The following PPP6R1 variants were observed in gnomAD, a reference collection of about 807,000 sequenced individuals.
PPP6R1 encodes the protein serine/threonine-protein phosphatase 6 regulatory subunit 1.
PPP6R1 carries 39 observed loss-of-function variants against 104.6 expected under a neutral mutation model. The observed-to-expected ratio is 0.37, with a 90% CI of 0.29 to 0.49. PPP6R1 has a LOEUF of 0.49. Ranked by LOEUF, PPP6R1 falls within the 20% of genes least tolerant of loss-of-function variation. PPP6R1 has a pLI of 0.98. For missense variants in PPP6R1, 1,181 were observed against 1,155.8 expected (o/e 1.02, Z -0.32); for synonymous variants, 549 against 479.0 (o/e 1.15, Z -1.91).
At chr19:55,233,700 G>A (rs1328499326) in intron 17 of PPP6R1, among the ~76,000 whole-genome samples, 1 of 152,066 alleles carries the variant, frequency 6.6e-6, no homozygotes, top group Non-Finnish European at 1.5e-5. Context: ...GTAACAGAAA[G>A]AAGAAAACAG....
intron 1 of PPP6R1, among the ~76,000 whole-genome samples, chr19:55,256,194 A>C (rs374640630): frequency 4.5e-4 from 69 of 152,348 alleles, no homozygotes; most frequent in African/African-American, 1.6e-3. Flanking sequence ...CTCGCAATAC[A>C]CAACTCACCA....
intron 1 of PPP6R1, among the ~76,000 whole-genome samples, chr19:55,255,220 A>G (rs2087583655): frequency 6.6e-6 from 1 of 152,270 alleles, no homozygotes; most frequent in African/African-American, 2.4e-5. Context: ...AGAAGAGTCT[A>G]GAAACACTGG....
chr19:55,230,336 T>G lies in PPP6R1; in HGVS notation c.*192A>C. On this transcript the variant is annotated 3_prime_UTR_variant, in exon 24 of 24. Transcript: ENST00000412770. ...TTCTAGGAGGCAACGCTCCAAAACT[T>G]CTCTTCTCAGTGCAAATGGGGGTGG... is the stretch of plus-strand genomic sequence containing the variant. The G allele has an allele frequency of 2.8e-6, 2 of 714,178 alleles. No individual in the cohort carries two copies. The highest frequency in any genetic ancestry group is 3.6e-5 in the African/African-American group (2 of 56,084). The allele number at this position is 714,178 out of a possible 1,614,324, so 44.2% of individuals were successfully genotyped here.
chr19:55,231,480 C>G lies in PPP6R1; in HGVS notation c.2389G>C (p.Ala797Pro), dbSNP rs768456655. The part of the protein sequence containing the change: ...KVTEPSAPCQ[A>P]LVSIGDLQAT... ...TGAAGGTCCCCGATGCTAACCAAGG[C>G]CTGGCAAGGGGCTGTGGGGGATAAG... The change falls in exon 21 of 24, where the codon GCC (alanine) becomes CCC (proline). Residue 797 changes from alanine (A) to proline (P), a missense_variant. Coordinates refer to ENST00000412770, the MANE Select transcript of PPP6R1 (RefSeq NM_014931.4). 1 of 1,607,988 alleles carries G rather than the reference C, an allele frequency of 6.2e-7. No homozygotes were observed. The highest frequency in any genetic ancestry group is 8.5e-7 in the Non-Finnish European group (1 of 1,177,624).
intron 1 of PPP6R1, among the ~76,000 whole-genome samples, chr19:55,253,524 G>A (rs2087569599): frequency 6.6e-6 from 1 of 152,186 alleles, no homozygotes; most frequent in Admixed American, 6.5e-5. Flanking sequence ...GTGCTCGCTG[G>A]TGCACGGCAT....
intron 1 of PPP6R1, among the ~76,000 whole-genome samples, chr19:55,252,697 G>A (rs1202736762): frequency 6.6e-6 from 1 of 151,958 alleles, no homozygotes; most frequent in Non-Finnish European, 1.5e-5. Context: ...ACCACGCCCG[G>A]CCTAATTTTT....
chr19:55,237,514 G>A (rs1422583821), intron 15 of PPP6R1, among the ~76,000 whole-genome samples: 1 of 152,162 alleles, frequency 6.6e-6, no homozygotes, highest in African/African-American at 2.4e-5. Flanking sequence ...CTCACCACGA[G>A]GGTCTAATGA....
At chr19:55,243,370 GCCACTGCACTCTAGA>G (rs2122644178) in intron 5 of PPP6R1, among the ~76,000 whole-genome samples, 2 of 141,944 alleles carry the variant, frequency 1.4e-5, no homozygotes, top group South Asian at 4.4e-4. Flanking sequence ...CCGAGATCGT[GCCACTGCACTCTAGA>G]CAGAGCGAGA....
In PPP6R1 at chr19:55,241,653, G is replaced by C; in HGVS notation, c.846-14C>G. 6.4e-7 allele frequency: 1 copy of C among 1,558,660 alleles called. No individual in the cohort carries two copies. The highest frequency in any genetic ancestry group is 1.2e-5 in the South Asian group (1 of 83,854). On this transcript the variant is annotated splice_polypyrimidine_tract_variant and intron_variant, in intron 7 of 23. Coordinates refer to ENST00000412770, the MANE Select transcript of PPP6R1 (RefSeq NM_014931.4). The surrounding 1 kb of genome is among the most constrained non-coding windows in gnomAD (Gnocchi z 5.4). ...ACGGACTCGGACCTGCAGCAGGGCA[G>C]GGTCGAAGGCGGAGTGAGCCTAGAT...
At position 55,240,188 on chromosome 19, in the gene PPP6R1, T is replaced by C. The variant is rs79174258; in HGVS notation, c.1361+48A>G. ...TGCCCAGCCCCAGCCCGGCCCCCCA[T>C]CCAGGCAGCCCCAGCCCCTGGAGAC... On this transcript the variant is annotated intron_variant, in intron 11 of 23. Transcript: ENST00000412770. 19,310 of 1,561,290 alleles carry C rather than the reference T, an allele frequency of 0.012. 526 individuals carry two copies. Among genetic ancestry groups the C allele is most frequent in the African/African-American group, 0.11 (7,710 of 73,422 alleles).
intron 1 of PPP6R1, chr19:55,247,347 C>A (rs2087518731): frequency 1.8e-6 from 1 of 549,444 alleles, no homozygotes; most frequent in South Asian, 2.1e-5. Context: ...CTCGAGCCTG[C>A]CCCTCTTCCC....
chr19:55,230,220 C>T lies in PPP6R1; in HGVS notation c.*308G>A. The T allele has an allele frequency of 2.5e-6, 1 of 399,138 alleles. No homozygotes were observed. The highest frequency in any genetic ancestry group is 4.5e-6 in the Non-Finnish European group (1 of 220,124). The allele number at this position is 399,138 out of a possible 1,614,324, so 24.7% of individuals were successfully genotyped here. A position where few individuals can be genotyped will look rare whatever the true frequency, so the allele number is the denominator to read the frequency against. On this transcript the variant is annotated 3_prime_UTR_variant, in exon 24 of 24. Transcript: ENST00000412770. Reference sequence around the variant, plus strand: ...AGCCGCCAGCCCAGTTCGGTGTCCTCACTCTCTCTCGCTCTCCTCCCTCTC... The same window carrying T: ...AGCCGCCAGCCCAGTTCGGTGTCCTTACTCTCTCTCGCTCTCCTCCCTCTC...
At position 55,258,489 on chromosome 19, in the gene PPP6R1, C is replaced by G. The variant is rs920435431; in HGVS notation, c.-61G>C. Reference sequence around the variant, plus strand: ...TCGGGGCTCATCGGGGCGCCCCCCCCCGCCCCGCCGCCGGCGGCTCCGGCC... The same window carrying G: ...TCGGGGCTCATCGGGGCGCCCCCCCGCGCCCCGCCGCCGGCGGCTCCGGCC... On this transcript the variant is annotated 5_prime_UTR_variant, in exon 1 of 24. Coordinates refer to ENST00000412770, the MANE Select transcript of PPP6R1 (RefSeq NM_014931.4). 6.7e-5 allele frequency: 10 copies of G among 149,608 alleles called. No individual in the cohort carries two copies. The highest frequency in any genetic ancestry group is 3.3e-4 in the Admixed American group (5 of 15,092). 9.3% of individuals were successfully genotyped at this position (149,608 alleles called of 1,614,324 possible).
In PPP6R1 at chr19:55,231,469, G is replaced by GCTA; in HGVS notation, c.2397_2399dup (p.Ser800dup). On this transcript the variant is annotated inframe_insertion, in exon 21 of 24. Coordinates refer to ENST00000412770, the MANE Select transcript of PPP6R1 (RefSeq NM_014931.4). ...GGAAGGTGGCCTGAAGGTCCCCGAT[G>GCTA]CTAACCAAGGCCTGGCAAGGGGCTG... 1 of 1,608,562 alleles carries GCTA rather than the reference G, an allele frequency of 6.2e-7. No homozygotes were observed. The highest frequency in any genetic ancestry group is 8.5e-7 in the Non-Finnish European group (1 of 1,177,882).
intron 21 of PPP6R1, 30 bp from the exon 22 acceptor site, chr19:55,230,914 G>T: frequency 6.5e-7 from 1 of 1,545,020 alleles, no homozygotes. Context: ...GCGGCTGTCA[G>T]CGTGGCCCCC....
intron 5 of PPP6R1, among the ~76,000 whole-genome samples, chr19:55,244,023 C>T (rs185422401): frequency 5.3e-5 from 8 of 152,280 alleles, no homozygotes; most frequent in South Asian, 2.1e-4. Context: ...TCGTAAGCTT[C>T]GGTGGGTGAG....
intron 1 of PPP6R1, among the ~76,000 whole-genome samples, chr19:55,250,126 G>T (rs1416138743): frequency 6.6e-6 from 1 of 152,164 alleles, no homozygotes; most frequent in African/African-American, 2.4e-5. Flanking sequence ...GGGTGGATGG[G>T]GGCATTCCAG....
rs1425979419 is a variant in PPP6R1, at chr19:55,231,007, G to GT, written c.2460-124_2460-123insA. 5 of 831,228 alleles carry GT rather than the reference G, an allele frequency of 6.0e-6. No homozygotes were observed. In the East Asian group the frequency reaches 1.3e-4, roughly 22 times the overall value. The allele number at this position is 831,228 out of a possible 1,614,324, so 51.5% of individuals were successfully genotyped here. On this transcript the variant is annotated intron_variant, in intron 21 of 23. Coordinates refer to ENST00000412770, the MANE Select transcript of PPP6R1 (RefSeq NM_014931.4). ...GTGTCTGCCACCTGCCCCACGGGGAGGGGCCTCCCGAGGACGCAGCTGGCT... is the reference window on the plus strand; with the variant it reads ...GTGTCTGCCACCTGCCCCACGGGGAGTGGGCCTCCCGAGGACGCAGCTGGCT...
intron 1 of PPP6R1, among the ~76,000 whole-genome samples, chr19:55,252,924 T>C (rs1474150055): frequency 6.6e-6 from 1 of 151,154 alleles, no homozygotes; most frequent in Non-Finnish European, 1.5e-5. Flanking sequence ...CCATCGGCCA[T>C]GGCAGGGACA....
Sources: allele counts gnomAD v4.1 joint callset (sites outside exome capture counted in the v4.1 genomes callset), GRCh38; gene constraint gnomAD v4.1.1; non-coding constraint Gnocchi (gnomAD v3.1); transcripts MANE v1.5; gene names NCBI Gene and HGNC (gene_info 2026-07-23, HGNC 2026-07-21).